JAK1: variants seen among roughly 807,000 people sequenced by gnomAD.
JAK1 encodes the protein tyrosine-protein kinase JAK1.
In JAK1, 16 loss-of-function variants were observed where a neutral mutation model predicts 136.6. The observed-to-expected ratio is 0.12, with a 90% CI of 0.08 to 0.18. The LOEUF is 0.18. Ranked by LOEUF, JAK1 falls within the 10% of genes least tolerant of loss-of-function variation. The pLI, the probability that JAK1 is intolerant of heterozygous loss-of-function variation, is 1.00. For synonymous variants in JAK1, 492 were observed against 519.5 expected, an observed-to-expected ratio of 0.95 and a Z score of 0.72; for missense variants, 859 against 1,450.1, an observed-to-expected ratio of 0.59 and a Z score of 6.62.
intron 2 of JAK1, among the ~76,000 whole-genome samples, chr1:65,029,183 A>G (rs566594088): frequency 6.6e-6 from 1 of 152,206 alleles, no homozygotes; most frequent in African/African-American, 2.4e-5. Flanking sequence ...TGCAGCCTCA[A>G]ACTCCAGGGC....
chr1:64,835,651 T>A (rs1654435732), intron 23 of JAK1, 145 bp from the exon 24 acceptor site: 1 of 618,576 alleles, frequency 1.6e-6, no homozygotes, highest in Admixed American at 3.1e-5. Context: ...TAAATAAAAA[T>A]CCAAAATCCT....
chr1:64,880,413 T>C (rs1445241734), intron 3 of JAK1, among the ~76,000 whole-genome samples: 1 of 152,232 alleles, frequency 6.6e-6, no homozygotes, highest in East Asian at 1.9e-4. Context: ...GTGGCTTTTG[T>C]GGACTGGGCT....
chr1:64,877,666 A>G (rs1014679638), intron 4 of JAK1, among the ~76,000 whole-genome samples: 15 of 152,188 alleles, frequency 9.9e-5, no homozygotes, highest in Non-Finnish European at 1.5e-4. Context: ...GTCTTTTCCA[A>G]TCCTAAAAGC....
intron 1 of JAK1, among the ~76,000 whole-genome samples, chr1:64,891,009 T>C (rs1416275877): frequency 6.6e-6 from 1 of 152,222 alleles, no homozygotes; most frequent in African/African-American, 2.4e-5. Context: ...TTTATCTCAC[T>C]GGGCTATTAA....
chr1:64,867,987 TC>T (rs964172261), intron 6 of JAK1, among the ~76,000 whole-genome samples: 2 of 146,200 alleles, frequency 1.4e-5, no homozygotes, highest in Admixed American at 6.9e-5. Context: ...CAAAACTCCG[TC>T]CCCCCAAGCA....
At chr1:64,918,477 G>C (rs1367146055) in intron 1 of JAK1, 2 of 153,854 alleles carry the variant, frequency 1.3e-5, no homozygotes, top group African/African-American at 4.8e-5. Flanking sequence ...CCAAGGAACT[G>C]AGTTTGATCC....
rs886846704 is a variant in JAK1 at position 64,852,336 on chromosome 1, C to G, written c.1649-1426G>C. ...AGTCAGAGATGCTCTCGTCTCTACCCTTCCCACAACATACCTGGCCCTAAT... is the reference window on the plus strand; with the variant it reads ...AGTCAGAGATGCTCTCGTCTCTACCGTTCCCACAACATACCTGGCCCTAAT... On this transcript the variant is annotated intron_variant, in intron 11 of 24. Coordinates refer to ENST00000342505, the MANE Select transcript of JAK1 (RefSeq NM_002227.4). 5.3e-5 allele frequency among the ~76,000 whole-genome samples: 8 copies of G among 152,372 alleles called. No individual in the cohort carries two copies. The South Asian group carries it at 1.2e-3, about 24-fold the overall frequency.
intron 2 of JAK1, among the ~76,000 whole-genome samples, chr1:64,988,504 C>A (rs1261670020): frequency 6.6e-6 from 1 of 152,088 alleles, no homozygotes; most frequent in Non-Finnish European, 1.5e-5. Flanking sequence ...AAAAAACAAG[C>A]AGAATCTGTC....
At chr1:64,858,743 T>C (rs559797734) in intron 9 of JAK1, among the ~76,000 whole-genome samples, 33 of 152,334 alleles carry the variant, frequency 2.2e-4, no homozygotes, top group African/African-American at 7.2e-4. Context: ...GAACAAATGT[T>C]ATGTTATGTA....
At chr1:65,017,289 C>T (rs993538365) in intron 2 of JAK1, among the ~76,000 whole-genome samples, 14 of 151,868 alleles carry the variant, frequency 9.2e-5, no homozygotes, top group African/African-American at 2.4e-4. Context: ...GCCAACATGG[C>T]GAAACCCTGT....
chr1:64,842,690 C>T (rs186625400), intron 17 of JAK1, among the ~76,000 whole-genome samples: 32 of 152,296 alleles, frequency 2.1e-4, no homozygotes, highest in South Asian at 1.2e-3. Context: ...GTACGCAGCA[C>T]GTGCTCAATA....
At chr1:64,986,106 A>G in intron 2 of JAK1, 1 of 757,640 alleles carries the variant, frequency 1.3e-6, no homozygotes, top group South Asian at 1.6e-5. Flanking sequence ...CCTCAATCTA[A>G]TTGTTTTTTT....
chr1:65,010,007 C>T lies in JAK1; in HGVS notation c.-78+34473G>A, dbSNP rs561591229. Among the ~76,000 whole-genome samples, 12 of 152,302 alleles carry T rather than the reference C, an allele frequency of 7.9e-5. No homozygotes were observed. In the South Asian group the frequency reaches 1.9e-3, roughly 24 times the overall value. On this transcript the variant is annotated intron_variant, in intron 2 of 25. Coordinates refer to the JAK1 transcript ENST00000671954. ...CATGTTCATGTACCCACTAGACTTT[C>T]GACTCCATCATGCAAGGAATCCCCA... is the stretch of plus-strand genomic sequence containing the variant.
chr1:64,928,800 A>C (rs535863036), intron 1 of JAK1, among the ~76,000 whole-genome samples: 20 of 150,254 alleles, frequency 1.3e-4, no homozygotes, highest in African/African-American at 2.4e-4. Context: ...AAAAAAACAA[A>C]AAAAAAAAAC....
intron 1 of JAK1, among the ~76,000 whole-genome samples, chr1:65,045,814 C>T (rs567826881): frequency 3.3e-5 from 5 of 152,286 alleles, no homozygotes; most frequent in African/African-American, 1.2e-4. Context: ...CCTCAAATAG[C>T]TAAGCTTATC....
At chr1:65,041,305 A>C (rs1647130685) in intron 2 of JAK1, among the ~76,000 whole-genome samples, 1 of 152,232 alleles carries the variant, frequency 6.6e-6, no homozygotes, top group South Asian at 2.1e-4. Flanking sequence ...GCTGAACCTG[A>C]CCTAAAACAA....
intron 4 of JAK1, among the ~76,000 whole-genome samples, chr1:64,875,810 T>G (rs1401937325): frequency 6.6e-6 from 1 of 152,100 alleles, no homozygotes; most frequent in Non-Finnish European, 1.5e-5. Flanking sequence ...AAGCTAGGGC[T>G]ATCAGCTGGC....
In JAK1 at chr1:64,839,805, A is replaced by G; in HGVS notation, c.2650-10T>C. 6.3e-7 allele frequency: 1 copy of G among 1,599,908 alleles called. No individual in the cohort carries two copies. Among genetic ancestry groups the G allele is most frequent in the Non-Finnish European group, 8.5e-7 (1 of 1,172,522 alleles). On this transcript the variant is annotated splice_polypyrimidine_tract_variant and intron_variant, in intron 19 of 24. Coordinates refer to ENST00000342505, the MANE Select transcript of JAK1 (RefSeq NM_002227.4). ...CCTTCCCAAAGTGGCCCTGGAGGGA[A>G]AGATGCATGTGCTGTTATCAGGGAA...
At chr1:65,023,898 G>T (rs1422781574) in intron 2 of JAK1, among the ~76,000 whole-genome samples, 1 of 148,634 alleles carries the variant, frequency 6.7e-6, no homozygotes, top group Non-Finnish European at 1.5e-5. Flanking sequence ...CACTCACCAT[G>T]GTTCTAGATT....
Sources: gnomAD v4.1 joint callset for allele counts (sites outside exome capture counted in the v4.1 genomes callset) on GRCh38, gnomAD v4.1.1 for gene constraint, MANE v1.5 for transcripts, NCBI Gene and HGNC (gene_info 2026-07-23, HGNC 2026-07-21) for gene names.